The following RBMS3 variants were observed in gnomAD, a reference collection of about 807,000 sequenced individuals.
The protein encoded by RBMS3 is RNA-binding motif, single-stranded-interacting protein 3.
RBMS3 carries 27 observed loss-of-function variants against 66.8 expected under a neutral mutation model. That is an observed-to-expected ratio of 0.40 (90% CI 0.30 to 0.56). The LOEUF is 0.56. RBMS3 is among the 20% of genes least tolerant of loss of function. The pLI, the probability that RBMS3 is intolerant of heterozygous loss-of-function variation, is 0.40. For synonymous variants in RBMS3, 188 were observed against 183.0 expected (o/e 1.03, Z -0.22); for missense variants, 513 against 549.5 (o/e 0.93, Z 0.66).
intron 4 of RBMS3, among the ~76,000 whole-genome samples, chr3:29,665,675 A>G (rs569985180): frequency 9.9e-5 from 15 of 152,196 alleles, no homozygotes; most frequent in Non-Finnish European, 2.2e-4. Context: ...CCGAGAACTC[A>G]TTTCATTTTG....
chr3:29,382,465 G>A (rs2038807801), intron 1 of RBMS3, among the ~76,000 whole-genome samples: 1 of 152,186 alleles, frequency 6.6e-6, no homozygotes, highest in Non-Finnish European at 1.5e-5. Context: ...GGTTTTGTCT[G>A]TTGCTTTAGT....
At chr3:29,638,360 T>A (rs1408570467) in intron 4 of RBMS3, among the ~76,000 whole-genome samples, 1 of 151,802 alleles carries the variant, frequency 6.6e-6, no homozygotes, top group Non-Finnish European at 1.5e-5. Flanking sequence ...TATGAGCCTA[T>A]CTTACAGTAT....
At chr3:29,882,332 C>G (rs918852946) in intron 7 of RBMS3, among the ~76,000 whole-genome samples, 3 of 152,072 alleles carry the variant, frequency 2.0e-5, no homozygotes, top group Admixed American at 2.0e-4. Flanking sequence ...AAACAAAAAC[C>G]TTTTTTCTTT....
intron 6 of RBMS3, among the ~76,000 whole-genome samples, chr3:29,804,877 T>TA (rs1446106402): frequency 5.3e-5 from 8 of 151,748 alleles, no homozygotes; most frequent in African/African-American, 1.9e-4. Context: ...TAACACAGCT[T>TA]ACCACAGTTT....
intron 3 of RBMS3, among the ~76,000 whole-genome samples, chr3:29,571,696 G>T (rs980095777): frequency 1.3e-5 from 2 of 152,130 alleles, no homozygotes; most frequent in Admixed American, 6.5e-5. Flanking sequence ...ATAATTTGAA[G>T]TCAGGTAATG....
chr3:29,905,725 A>G (rs1034223566), intron 10 of RBMS3, among the ~76,000 whole-genome samples: 4 of 152,092 alleles, frequency 2.6e-5, no homozygotes, highest in African/African-American at 7.2e-5. Context: ...CACACATAAC[A>G]TACACTAAAA....
chr3:29,540,921 T>C (rs9865001), intron 3 of RBMS3, among the ~76,000 whole-genome samples: 39,872 of 152,086 alleles, frequency 0.26, 7,182 homozygotes, highest in African/African-American at 0.5. Flanking sequence ...TTTGAGTTTT[T>C]TCGGGAAGTG....
intron 6 of RBMS3, among the ~76,000 whole-genome samples, chr3:29,781,931 A>G (rs2056645400): frequency 6.6e-6 from 1 of 151,634 alleles, no homozygotes. Context: ...CGGGAATATA[A>G]CTCCATAAGA....
intron 1 of RBMS3, among the ~76,000 whole-genome samples, chr3:29,351,055 A>G (rs1311034502): frequency 6.6e-6 from 1 of 152,066 alleles, no homozygotes; most frequent in African/African-American, 2.4e-5. Flanking sequence ...GCCTATACCA[A>G]CTTGCTTACT....
At chr3:29,645,321 T>C (rs2049876031) in intron 4 of RBMS3, among the ~76,000 whole-genome samples, 1 of 152,248 alleles carries the variant, frequency 6.6e-6, no homozygotes, top group Admixed American at 6.5e-5. Flanking sequence ...CTGTTCAAAT[T>C]AATATCTGCT....
intron 6 of RBMS3, among the ~76,000 whole-genome samples, chr3:29,836,387 A>C (rs180814418): frequency 2.0e-5 from 3 of 152,156 alleles, no homozygotes; most frequent in Admixed American, 2.0e-4. Context: ...AACCAAATTT[A>C]ACAGCACATT....
At chr3:29,322,363 A>G (rs1348399171) in intron 1 of RBMS3, among the ~76,000 whole-genome samples, 6 of 152,216 alleles carry the variant, frequency 3.9e-5, no homozygotes, top group Non-Finnish European at 5.9e-5. Context: ...TTACCTATCC[A>G]TACATGAATT....
At position 29,923,582 on chromosome 3, in the gene RBMS3, C is replaced by A. The variant is rs1176368079; in HGVS notation, c.940-12504C>A. Among the ~76,000 whole-genome samples the A allele has an allele frequency of 4.8e-4, 72 of 151,372 alleles. 1 individual carries two copies. The highest frequency in any genetic ancestry group is 2.9e-5 in the Non-Finnish European group (2 of 67,920). ...TTTCCTTGCCTATCCCATGTGTAAT[C>A]TATGAGAAAAGAAAGGGAGTGCTAG... On this transcript the variant is annotated intron_variant, in intron 10 of 14. Transcript: ENST00000383767.
intron 2 of RBMS3, among the ~76,000 whole-genome samples, chr3:29,443,264 C>T (rs949065341): frequency 6.6e-6 from 1 of 152,068 alleles, no homozygotes; most frequent in African/African-American, 2.4e-5. Flanking sequence ...TACCCAATAG[C>T]TCGTCTGCTT....
chr3:29,938,485 TTAGAAGAGG>T (rs1301020020), intron 11 of RBMS3, among the ~76,000 whole-genome samples: 2 of 151,944 alleles, frequency 1.3e-5, no homozygotes, highest in Non-Finnish European at 2.9e-5. Flanking sequence ...TTAGTAAGGT[TTAGAAGAGG>T]TAGAGAGAAA....
chr3:29,411,303 T>A (rs932052662), intron 1 of RBMS3, among the ~76,000 whole-genome samples: 1 of 152,180 alleles, frequency 6.6e-6, no homozygotes, highest in Admixed American at 6.5e-5. Context: ...AGAAAATCGT[T>A]TTTAGAAGCA....
chr3:29,628,373 TTCTC>T (rs985755453), intron 4 of RBMS3, among the ~76,000 whole-genome samples: 1 of 152,146 alleles, frequency 6.6e-6, no homozygotes, highest in Non-Finnish European at 1.5e-5. Context: ...GTGTCAGTGA[TTCTC>T]TCCTCAGATT....
intron 3 of RBMS3, among the ~76,000 whole-genome samples, chr3:29,584,966 T>C (rs2047460849): frequency 6.6e-6 from 1 of 152,132 alleles, no homozygotes; most frequent in South Asian, 2.1e-4. Context: ...AAAATTAAAA[T>C]CTATATTATA....
chr3:29,540,084 T>C (rs1463617793), intron 3 of RBMS3, among the ~76,000 whole-genome samples: 3 of 152,228 alleles, frequency 2.0e-5, no homozygotes, highest in Admixed American at 1.3e-4. Flanking sequence ...TAAAGCATTT[T>C]AAATTAACTA....
Sources: gnomAD v4.1 joint callset for allele counts (sites outside exome capture counted in the v4.1 genomes callset) on GRCh38, gnomAD v4.1.1 for gene constraint, MANE v1.5 for transcripts, NCBI Gene and HGNC (gene_info 2026-07-23, HGNC 2026-07-21) for gene names.